RIMS3: variants seen among roughly 807,000 people sequenced by gnomAD.
RIMS3 encodes regulating synaptic membrane exocytosis protein 3.
RIMS3 carries 15 observed loss-of-function variants against 29.2 expected under a neutral mutation model. The observed-to-expected ratio is 0.51, with a 90% confidence interval of 0.34 to 0.79. RIMS3 has a LOEUF of 0.79. RIMS3 is among the 30% of genes least tolerant of loss of function. RIMS3 has a pLI of 0.01. For synonymous variants in RIMS3, 161 were observed against 170.1 expected (o/e 0.95, Z 0.41); for missense variants, 342 against 421.4 (o/e 0.81, Z 1.65).
rs557797993 is a variant in RIMS3 at position 40,651,823 on chromosome 1, G to C, written c.-206-3981C>G. ...TTCTAAAGTTACTACTTAAGAAACTGTATTAATGTTATAATAAAGAAAAAA... is the reference window on the plus strand; with the variant it reads ...TTCTAAAGTTACTACTTAAGAAACTCTATTAATGTTATAATAAAGAAAAAA... On this transcript the variant is annotated intron_variant, in intron 1 of 7. Coordinates refer to ENST00000372684, the MANE Select transcript of RIMS3 (RefSeq NM_014747.3). Among the ~76,000 whole-genome samples, 180 of 152,206 alleles carry C rather than the reference G, an allele frequency of 1.2e-3. 3 individuals carry two copies. Among genetic ancestry groups the C allele is most frequent in the Non-Finnish European group, 6.3e-4 (43 of 68,010 alleles).
At chr1:40,641,670 TC>T (rs765399569) in intron 3 of RIMS3, 38 bp downstream of exon 3, 3 of 1,595,860 alleles carry the variant, frequency 1.9e-6, no homozygotes, top group Non-Finnish European at 8.6e-7. Context: ...TTGCGAAGTG[TC>T]CCCCACCTCT....
intron 3 of RIMS3, 80 bp downstream of exon 3, chr1:40,641,629 C>T (rs1392592051): frequency 5.0e-6 from 7 of 1,387,530 alleles, no homozygotes; most frequent in Non-Finnish European, 7.0e-6. Flanking sequence ...GAAGTGCAGA[C>T]CCATCAGGGC....
Position 40,626,493 on chromosome 1 carries a change from C to T in RIMS3, c.*24G>A. 1 of 1,576,198 alleles carries T rather than the reference C, an allele frequency of 6.3e-7. No homozygotes were observed. The highest frequency in any genetic ancestry group is 8.6e-7 in the Non-Finnish European group (1 of 1,159,546). ...CAGCAGGCACCCCTCCCCACACCAC[C>T]ATCCTGGCCTCTTCCTGACATCCTT... On this transcript the variant is annotated 3_prime_UTR_variant, in exon 8 of 8. Coordinates refer to ENST00000372684, the MANE Select transcript of RIMS3 (RefSeq NM_014747.3).
chr1:40,651,813 T>G (rs1646633516), intron 1 of RIMS3, among the ~76,000 whole-genome samples: 1 of 152,234 alleles, frequency 6.6e-6, no homozygotes, highest in South Asian at 2.1e-4. Context: ...AAGTTACTAC[T>G]TAAGAAACTG....
intron 1 of RIMS3, among the ~76,000 whole-genome samples, chr1:40,652,037 G>A (rs1646634798): frequency 6.6e-6 from 1 of 152,158 alleles, no homozygotes; most frequent in Non-Finnish European, 1.5e-5. Flanking sequence ...GAGCTCTGGG[G>A]CCTTGCAGGG....
chr1:40,662,075 T>C (rs1256447159), intron 1 of RIMS3, among the ~76,000 whole-genome samples: 2 of 152,210 alleles, frequency 1.3e-5, no homozygotes, highest in Non-Finnish European at 2.9e-5. Flanking sequence ...CTGAGGGCCA[T>C]AGACCCTAAC....
the RIMS3 span, among the ~76,000 whole-genome samples, chr1:40,677,230 C>T: frequency 9.2e-4 from 139 of 151,588 alleles, no homozygotes; most frequent in Non-Finnish European, 1.7e-3. Flanking sequence ...GTCTCGAACT[C>T]CTGACCTCAG....
Position 40,626,216 on chromosome 1 carries a change from C to T in RIMS3, c.*301G>A, listed in dbSNP as rs1646452472. On this transcript the variant is annotated 3_prime_UTR_variant, in exon 8 of 8. Transcript: ENST00000372684. ...GGTGAGTCATGTCCACACAACACTCCTTTGGGTTTCTTTTCAACAAGACAC... is the reference window on the plus strand; with the variant it reads ...GGTGAGTCATGTCCACACAACACTCTTTTGGGTTTCTTTTCAACAAGACAC... 2 of 448,502 alleles carry T rather than the reference C, an allele frequency of 4.5e-6. No homozygotes were observed. Among genetic ancestry groups the T allele is most frequent in the Admixed American group, 6.9e-5 (2 of 29,178 alleles). 27.8% of individuals were successfully genotyped at this position (448,502 alleles called of 1,614,324 possible). A position where few individuals can be genotyped will look rare whatever the true frequency, so the allele number is the denominator to read the frequency against.
intron 2 of RIMS3, among the ~76,000 whole-genome samples, chr1:40,646,943 C>T (rs980439113): frequency 6.6e-6 from 1 of 150,756 alleles, no homozygotes; most frequent in East Asian, 1.9e-4. Flanking sequence ...TGCAGTGGTG[C>T]GATCTCGACT....
chr1:40,647,616 A>G (rs967779804), intron 2 of RIMS3, 52 bp downstream of exon 2: 11 of 152,044 alleles, frequency 7.2e-5, no homozygotes, highest in African/African-American at 2.7e-4. Context: ...GTCTCACATC[A>G]CCTATTGGGT....
chr1:40,687,324 A>T, the RIMS3 span, among the ~76,000 whole-genome samples: 43 of 8,366 alleles, frequency 5.1e-3, no homozygotes, highest in South Asian at 0.043. Flanking sequence ...AATTTAGGCC[A>T]GGGGCGGTGG....
the RIMS3 span, chr1:40,690,998 G>A: frequency 6.6e-6 from 1 of 152,140 alleles, no homozygotes; most frequent in African/African-American, 2.4e-5. Context: ...ACCTTTTTGA[G>A]CTTCAGTTTT....
the RIMS3 span, among the ~76,000 whole-genome samples, chr1:40,674,222 T>C: frequency 1.3e-5 from 2 of 152,208 alleles, no homozygotes; most frequent in Non-Finnish European, 2.9e-5. Context: ...CATTACGACA[T>C]GTCTGCTGAA....
chr1:40,630,989 G>A (rs1437079469), intron 5 of RIMS3, among the ~76,000 whole-genome samples: 1 of 152,222 alleles, frequency 6.6e-6, no homozygotes, highest in Non-Finnish European at 1.5e-5. Context: ...GCAGTGGAAG[G>A]AGTCCTGGCC....
chr1:40,628,246 G>T (rs890798300), intron 7 of RIMS3, among the ~76,000 whole-genome samples: 6 of 152,184 alleles, frequency 3.9e-5, no homozygotes, highest in Non-Finnish European at 8.8e-5. Context: ...GTGACCTCAG[G>T]TTCTTCATCT....
chr1:40,685,572 A>G, the RIMS3 span, among the ~76,000 whole-genome samples: 15 of 151,976 alleles, frequency 9.9e-5, no homozygotes, highest in Non-Finnish European at 1.6e-4. Flanking sequence ...AAAGTCACCC[A>G]TCGGAAGAGT....
At position 40,623,598 on chromosome 1, in the gene RIMS3, T is replaced by C. The variant is rs1557660109; in HGVS notation, c.*2919A>G. 2 of 398,298 alleles carry C rather than the reference T, an allele frequency of 5.0e-6. No individual in the cohort carries two copies. Among genetic ancestry groups the C allele is most frequent in the Non-Finnish European group, 8.8e-6 (2 of 226,052 alleles). 24.7% of individuals were successfully genotyped at this position (398,298 alleles called of 1,614,324 possible). A position where few individuals can be genotyped will look rare whatever the true frequency, so the allele number is the denominator to read the frequency against. ...AAGGGGGCATTTGGAGCCGGGACAC[T>C]GAACATGGCAGTGAGTTGGCCCCAG... On this transcript the variant is annotated 3_prime_UTR_variant, in exon 8 of 8. Coordinates refer to ENST00000372684, the MANE Select transcript of RIMS3 (RefSeq NM_014747.3).
chr1:40,630,882 C>A (rs777534231), intron 5 of RIMS3, among the ~76,000 whole-genome samples: 8 of 152,192 alleles, frequency 5.3e-5, no homozygotes, highest in African/African-American at 1.9e-4. Context: ...GGCTAATTCC[C>A]AGCCTTTGCT....
rs1219524570 is a variant in RIMS3 at position 40,636,905 on chromosome 1, T to C, written c.218-848A>G. Among the ~76,000 whole-genome samples, 1 of 152,146 alleles carries C rather than the reference T, an allele frequency of 6.6e-6. No individual in the cohort carries two copies. The highest frequency in any genetic ancestry group is 1.9e-4 in the East Asian group (1 of 5,178). On this transcript the variant is annotated intron_variant, in intron 3 of 7. Coordinates refer to ENST00000372684, the MANE Select transcript of RIMS3 (RefSeq NM_014747.3). The surrounding 1 kb of genome is among the most constrained non-coding windows in gnomAD (Gnocchi z 4.2). ...GTTTCCATGGCAACCTCCTCGGCAT[T>C]GCAGTGTGGTCCCTCTAGACACCCT...
Sources: allele counts gnomAD v4.1 joint callset (sites outside exome capture counted in the v4.1 genomes callset), GRCh38; gene constraint gnomAD v4.1.1; non-coding constraint Gnocchi (gnomAD v3.1); transcripts MANE v1.5; gene names NCBI Gene and HGNC (gene_info 2026-07-23, HGNC 2026-07-21).